MGAT4C: variants seen among roughly 807,000 people sequenced by gnomAD.
The protein encoded by MGAT4C is alpha-1,3-mannosyl-glycoprotein 4-beta-N-acetylglucosaminyltransferase C.
Under a neutral mutation model 40.1 loss-of-function variants are expected in MGAT4C, and 19 were observed. The ratio of observed to expected loss-of-function variants is 0.47; its 90% confidence interval spans 0.33 to 0.70. The LOEUF is 0.70. Ranked by LOEUF, MGAT4C falls within the 30% of genes least tolerant of loss-of-function variation. MGAT4C has a pLI of 0.02. For synonymous variants in MGAT4C, 181 were observed against 187.1 expected (o/e 0.97, Z 0.27); for missense variants, 491 against 563.2 (o/e 0.87, Z 1.30).
chr12:86,418,868 C>T (rs1956769824), intron 3 of MGAT4C, among the ~76,000 whole-genome samples: 1 of 151,970 alleles, frequency 6.6e-6, no homozygotes, highest in South Asian at 2.1e-4. Context: ...GTTGATTGGA[C>T]TCTGCCAAGA....
At chr12:86,385,791 A>C (rs1313905765) in intron 3 of MGAT4C, among the ~76,000 whole-genome samples, 2 of 152,124 alleles carry the variant, frequency 1.3e-5, no homozygotes, top group Admixed American at 6.5e-5. Flanking sequence ...ACACTGCTCA[A>C]ATTAAATTCA....
chr12:86,595,086 G>C (rs1394563032), intron 2 of MGAT4C, among the ~76,000 whole-genome samples: 3 of 152,108 alleles, frequency 2.0e-5, no homozygotes, highest in African/African-American at 7.2e-5. Flanking sequence ...CAAACTTTAA[G>C]ATCTTGTTAA....
At chr12:86,441,050 C>T (rs747416615) in intron 2 of MGAT4C, among the ~76,000 whole-genome samples, 27 of 152,192 alleles carry the variant, frequency 1.8e-4, no homozygotes, top group Admixed American at 4.6e-4. Flanking sequence ...CCAAAGCAAT[C>T]TACAGATTCA....
At chr12:86,813,752 C>G (rs1262965919) in intron 1 of MGAT4C, among the ~76,000 whole-genome samples, 2 of 152,050 alleles carry the variant, frequency 1.3e-5, no homozygotes, top group Non-Finnish European at 2.9e-5. Flanking sequence ...ATTACATTTA[C>G]TTTACAGGTT....
chr12:86,393,804 T>C (rs1329298645), intron 3 of MGAT4C, among the ~76,000 whole-genome samples: 1 of 152,092 alleles, frequency 6.6e-6, no homozygotes, highest in East Asian at 1.9e-4. Context: ...TGCCTAGGAA[T>C]TATGAGACAG....
At chr12:86,250,382 T>TA (rs1297218314) in intron 1 of MGAT4C, among the ~76,000 whole-genome samples, 15 of 144,290 alleles carry the variant, frequency 1.0e-4, no homozygotes, top group African/African-American at 3.9e-4. Context: ...ATTTTTAAAA[T>TA]AAAAACATAC....
chr12:86,086,329 T>C (rs1027550361), intron 1 of MGAT4C, among the ~76,000 whole-genome samples: 1 of 151,164 alleles, frequency 6.6e-6, no homozygotes, highest in African/African-American at 2.4e-5. Context: ...CATAAGGGAG[T>C]TGAACAGTGA....
At chr12:86,762,544 C>A (rs1182383697) in intron 1 of MGAT4C, among the ~76,000 whole-genome samples, 1 of 152,122 alleles carries the variant, frequency 6.6e-6, no homozygotes, top group South Asian at 2.1e-4. Context: ...ACTTTCAGAC[C>A]AACAAGGGAC....
chr12:86,787,645 A>C (rs1436302452), intron 1 of MGAT4C, among the ~76,000 whole-genome samples: 1 of 152,176 alleles, frequency 6.6e-6, no homozygotes, highest in Non-Finnish European at 1.5e-5. Context: ...GGATGTGGAG[A>C]AAAGGGATTG....
chr12:86,067,735 C>T (rs1894693356), intron 1 of MGAT4C, among the ~76,000 whole-genome samples: 1 of 151,972 alleles, frequency 6.6e-6, no homozygotes. Flanking sequence ...GTGCAAATTG[C>T]CAAATGTTTC....
chr12:86,280,434 T>A (rs1489801048), intron 4 of MGAT4C, among the ~76,000 whole-genome samples: 1 of 151,970 alleles, frequency 6.6e-6, no homozygotes, highest in African/African-American at 2.4e-5. Flanking sequence ...AAGGTAACTA[T>A]TTGAAAAATA....
chr12:86,558,516 T>C (rs4312127), intron 2 of MGAT4C, among the ~76,000 whole-genome samples: 6,555 of 152,094 alleles, frequency 0.043, 197 homozygotes, highest in Non-Finnish European at 0.066. Context: ...CTAAACTAAA[T>C]GTCAGCCAAG....
intron 1 of MGAT4C, among the ~76,000 whole-genome samples, chr12:86,769,313 A>G (rs1418613889): frequency 1.3e-5 from 2 of 152,032 alleles, no homozygotes; most frequent in Non-Finnish European, 1.5e-5. Context: ...CAAAACCACA[A>G]TGAGATACCA....
intron 2 of MGAT4C, among the ~76,000 whole-genome samples, chr12:86,592,733 C>T (rs1052620293): frequency 2.6e-5 from 4 of 152,204 alleles, no homozygotes; most frequent in Admixed American, 6.5e-5. Context: ...TATGATACCT[C>T]CAAGTTTAAC....
intron 2 of MGAT4C, among the ~76,000 whole-genome samples, chr12:86,437,920 C>G (rs779375930): frequency 6.6e-6 from 1 of 151,840 alleles, no homozygotes; most frequent in Non-Finnish European, 1.5e-5. Context: ...ACTCCCTGTT[C>G]CCTGAGACAC....
chr12:86,184,738 T>A (rs1160122426), intron 1 of MGAT4C, among the ~76,000 whole-genome samples: 1 of 86,908 alleles, frequency 1.2e-5, no homozygotes, highest in Non-Finnish European at 2.2e-5. Flanking sequence ...TTTCTCCTGT[T>A]AAAAAAAAAA....
At chr12:86,774,281 C>CTT (rs1951692302) in intron 1 of MGAT4C, among the ~76,000 whole-genome samples, 1 of 58,960 alleles carries the variant, frequency 1.7e-5, no homozygotes, top group African/African-American at 6.4e-5. Context: ...CTAAGGCTTG[C>CTT]TCTTTCTTTC....
At chr12:86,631,604 T>A (rs1336401879) in intron 2 of MGAT4C, among the ~76,000 whole-genome samples, 4 of 151,780 alleles carry the variant, frequency 2.6e-5, no homozygotes, top group African/African-American at 9.7e-5. Flanking sequence ...AACACCACAC[T>A]TCTACAACCA....
intron 2 of MGAT4C, among the ~76,000 whole-genome samples, chr12:86,686,779 T>C (rs1453811877): frequency 6.6e-6 from 1 of 152,238 alleles, no homozygotes; most frequent in African/African-American, 2.4e-5. Context: ...TCATCGGAGA[T>C]ACTGGCCTGA....
Sources: gnomAD v4.1 joint callset for allele counts (sites outside exome capture counted in the v4.1 genomes callset) on GRCh38, gnomAD v4.1.1 for gene constraint, MANE v1.5 for transcripts, NCBI Gene and HGNC (gene_info 2026-07-23, HGNC 2026-07-21) for gene names.